The following NTRK2 variants were observed in gnomAD, a reference collection of about 807,000 sequenced individuals.
NTRK2 encodes neurotrophic receptor tyrosine kinase 2, also known as BDNF/NT-3 growth factors receptor.
NTRK2 carries 13 observed loss-of-function variants against 94.5 expected under a neutral mutation model. The observed-to-expected ratio is 0.14, with a 90% CI of 0.09 to 0.22. NTRK2 has a LOEUF of 0.22. Ranked by LOEUF, NTRK2 falls within the 10% of genes least tolerant of loss-of-function variation. The pLI is 1.00. For missense variants in NTRK2, 639 were observed against 1,071.2 expected (o/e 0.60, Z 5.63); for synonymous variants, 372 against 407.4 (o/e 0.91, Z 1.05).
chr9:84,741,141 T>C (rs879790504), intron 9 of NTRK2, among the ~76,000 whole-genome samples: 3 of 65,312 alleles, frequency 4.6e-5, no homozygotes, highest in African/African-American at 1.9e-4. Flanking sequence ...TTGTTGATGC[T>C]GAGTTAAAAA....
intron 14 of NTRK2, among the ~76,000 whole-genome samples, chr9:84,915,646 T>C (rs2077373290): frequency 6.6e-6 from 1 of 152,166 alleles, no homozygotes; most frequent in Non-Finnish European, 1.5e-5. Flanking sequence ...CCTCAGGTAT[T>C]TCTTTATATC....
In NTRK2 at chr9:85,023,800, A is replaced by G. The variant is rs149157282; in HGVS notation, c.*2363A>G. ...AGATTCCATCAGCAAAAACCAACAC[A>G]GGTTTGTCACGCTGCATGTCTGGCC... On this transcript the variant is annotated 3_prime_UTR_variant, in exon 19 of 19. Coordinates refer to ENST00000277120, the MANE Select transcript of NTRK2 (RefSeq NM_006180.6). 4 of 230,372 alleles carry G rather than the reference A, an allele frequency of 1.7e-5. No homozygotes were observed. Among genetic ancestry groups the G allele is most frequent in the African/African-American group, 8.8e-5 (4 of 45,282 alleles). The allele number at this position is 230,372 out of a possible 1,614,324, so 14.3% of individuals were successfully genotyped here. A position where few individuals can be genotyped will look rare whatever the true frequency, so the allele number is the denominator to read the frequency against.
rs1215112832 is a variant in NTRK2, at chr9:85,022,223, G to A, written c.*786G>A. On this transcript the variant is annotated 3_prime_UTR_variant, in exon 19 of 19. Transcript: ENST00000277120. ...AATGTATTCGGCACCTTCCCCTGAGGACCTTTCTGAGGAGTAAAAAGACTA... is the reference window on the plus strand; with the variant it reads ...AATGTATTCGGCACCTTCCCCTGAGAACCTTTCTGAGGAGTAAAAAGACTA... The A allele has an allele frequency of 2.1e-5, 5 of 233,166 alleles. No individual in the cohort carries two copies. Among genetic ancestry groups the A allele is most frequent in the Non-Finnish European group, 4.2e-5 (5 of 118,066 alleles). The allele number at this position is 233,166 out of a possible 1,614,324, so 14.4% of individuals were successfully genotyped here.
At chr9:84,740,692 G>A (rs2063583376) in intron 9 of NTRK2, among the ~76,000 whole-genome samples, 1 of 152,232 alleles carries the variant, frequency 6.6e-6, no homozygotes, top group Non-Finnish European at 1.5e-5. Flanking sequence ...GCAGTATGCA[G>A]CATCCCTGGA....
chr9:84,774,036 C>T (rs1338216690), intron 12 of NTRK2, among the ~76,000 whole-genome samples: 2 of 152,192 alleles, frequency 1.3e-5, no homozygotes, highest in Non-Finnish European at 2.9e-5. Context: ...TGCCTTCCTG[C>T]CCTCCCCTAT....
chr9:84,947,486 G>C (rs2078638673), intron 15 of NTRK2, among the ~76,000 whole-genome samples: 1 of 151,366 alleles, frequency 6.6e-6, no homozygotes, highest in African/African-American at 2.4e-5. Context: ...TCCAGGCAGA[G>C]GAATGTGCAC....
chr9:84,931,578 G>T (rs569919057), intron 14 of NTRK2, among the ~76,000 whole-genome samples: 1 of 152,048 alleles, frequency 6.6e-6, no homozygotes, highest in Admixed American at 6.5e-5. Flanking sequence ...CTGCTTTCAA[G>T]GTCAACGTGG....
chr9:84,876,655 A>G (rs200758141), intron 14 of NTRK2: 232 of 1,058,752 alleles, frequency 2.2e-4, no homozygotes, highest in Non-Finnish European at 2.7e-4. Flanking sequence ...CCATCCTCCC[A>G]TTTTTTTCCA....
At chr9:84,702,106 G>T (rs1482622805) in intron 2 of NTRK2, 53 bp from the exon 3 acceptor site, 2 of 1,530,424 alleles carry the variant, frequency 1.3e-6, no homozygotes, top group Non-Finnish European at 1.8e-6. Flanking sequence ...GTTCTTCATG[G>T]TGCTGCTGCC....
rs536918047 is a variant in NTRK2, at chr9:84,726,947, T to C, written c.854-707T>C. On this transcript the variant is annotated intron_variant, in intron 8 of 18. Coordinates refer to ENST00000277120, the MANE Select transcript of NTRK2 (RefSeq NM_006180.6). ...AAGTGCTTTATATCTAAAGTTGAAA[T>C]AATCCCTACTCTGTCCAGGCTTAGA... is the stretch of plus-strand genomic sequence containing the variant. 5.3e-5 allele frequency among the ~76,000 whole-genome samples: 8 copies of C among 152,346 alleles called. No homozygotes were observed. In the East Asian group the frequency reaches 1.5e-3, roughly 29 times the overall value.
chr9:84,745,483 A>G (rs954336402), intron 11 of NTRK2, among the ~76,000 whole-genome samples: 1 of 152,212 alleles, frequency 6.6e-6, no homozygotes, highest in African/African-American at 2.4e-5. Flanking sequence ...ATATAATCAT[A>G]TGAACAAAAT....
At chr9:85,014,622 G>T (rs1474861841) in intron 17 of NTRK2, among the ~76,000 whole-genome samples, 2 of 152,142 alleles carry the variant, frequency 1.3e-5, no homozygotes, top group African/African-American at 4.8e-5. Flanking sequence ...TGTGTACTTT[G>T]AATTTATTGA....
At chr9:84,924,229 TAGAAAGAAAGAA>T (rs774882842) in intron 14 of NTRK2, among the ~76,000 whole-genome samples, 9,429 of 115,602 alleles carry the variant, frequency 0.082, 411 homozygotes, top group Admixed American at 0.11. Context: ...AGAAAGAAAG[TAGAAAGAAAGAA>T]AGAAAGAAAG....
chr9:84,928,295 AT>A (rs2077893628), intron 14 of NTRK2, among the ~76,000 whole-genome samples: 1 of 152,194 alleles, frequency 6.6e-6, no homozygotes, highest in Non-Finnish European at 1.5e-5. Flanking sequence ...TTGGAAAATC[AT>A]TTTTGTTAAT....
At chr9:84,913,402 A>G (rs2077302517) in intron 14 of NTRK2, among the ~76,000 whole-genome samples, 1 of 152,136 alleles carries the variant, frequency 6.6e-6, no homozygotes, top group Non-Finnish European at 1.5e-5. Context: ...TTTCTTCTAC[A>G]TACATTAAAA....
chr9:84,878,093 A>G (rs893506239), intron 14 of NTRK2, among the ~76,000 whole-genome samples: 1 of 152,174 alleles, frequency 6.6e-6, no homozygotes, highest in African/African-American at 2.4e-5. Flanking sequence ...GTAGGCCAGC[A>G]CTAGGGTGAG....
At chr9:84,735,814 C>G (rs1445518699) in intron 9 of NTRK2, among the ~76,000 whole-genome samples, 2 of 152,188 alleles carry the variant, frequency 1.3e-5, no homozygotes, top group African/African-American at 4.8e-5. Flanking sequence ...AAATTCAATC[C>G]TCCATATAAA....
At chr9:84,808,635 A>G (rs2071398876) in intron 12 of NTRK2, among the ~76,000 whole-genome samples, 1 of 152,252 alleles carries the variant, frequency 6.6e-6, no homozygotes, top group South Asian at 2.1e-4. Flanking sequence ...GCCTGGAGGC[A>G]AAACTTTTAG....
At chr9:84,706,535 T>TTTG (rs1477367043) in intron 4 of NTRK2, among the ~76,000 whole-genome samples, 2 of 129,248 alleles carry the variant, frequency 1.5e-5, no homozygotes, top group African/African-American at 2.8e-5. Flanking sequence ...TTGTTTTTTT[T>TTTG]TTTTTTTTTT....
Sources: gnomAD v4.1 joint callset for allele counts (sites outside exome capture counted in the v4.1 genomes callset) on GRCh38, gnomAD v4.1.1 for gene constraint, MANE v1.5 for transcripts, NCBI Gene and HGNC (gene_info 2026-07-23, HGNC 2026-07-21) for gene names.